XNDC1N: variants seen among roughly 807,000 people sequenced by gnomAD.
The protein encoded by XNDC1N is protein XNDC1N.
the XNDC1N span, among the ~76,000 whole-genome samples, chr11:71,871,119 G>T: frequency 9.9e-5 from 15 of 152,226 alleles, no homozygotes; most frequent in Admixed American, 6.5e-4. Context: ...TCAAGTTTTG[G>T]AATCAACCTA....
chr11:71,878,827 CA>C, the XNDC1N span, among the ~76,000 whole-genome samples: 10,843 of 120,000 alleles, frequency 0.09, 542 homozygotes, highest in African/African-American at 0.18. Flanking sequence ...CCCATCTCTA[CA>C]AAAAAAAAAA....
the XNDC1N span, among the ~76,000 whole-genome samples, chr11:71,919,932 T>C: frequency 0.012 from 664 of 56,038 alleles, 4 homozygotes; most frequent in East Asian, 0.053. Flanking sequence ...CAGGCCTCTT[T>C]TTTTTTTTTT....
At chr11:71,881,917 A>C in the XNDC1N span, among the ~76,000 whole-genome samples, 1 of 152,332 alleles carries the variant, frequency 6.6e-6, no homozygotes, top group East Asian at 1.9e-4. Context: ...AGGAGGAGAA[A>C]GAAAGGAACA....
the XNDC1N span, among the ~76,000 whole-genome samples, chr11:71,887,730 G>C: frequency 7.9e-4 from 121 of 152,246 alleles, 1 homozygote; most frequent in African/African-American, 2.9e-3. Context: ...CCCAAGTCAC[G>C]GACCAAGAAC....
the XNDC1N span, chr11:71,928,361 T>C: frequency 1.5e-6 from 1 of 656,336 alleles, no homozygotes; most frequent in African/African-American, 1.8e-5. Context: ...CCAACGCCCC[T>C]CACCCGGGAC....
the XNDC1N span, among the ~76,000 whole-genome samples, chr11:71,866,762 T>TA: frequency 5.7e-3 from 804 of 141,320 alleles, 3 homozygotes; most frequent in African/African-American, 0.017. Flanking sequence ...AGACTCCATC[T>TA]AAAAAAAAAA....
chr11:71,889,982 T>G, the XNDC1N span, among the ~76,000 whole-genome samples: 1 of 147,932 alleles, frequency 6.8e-6, no homozygotes, highest in African/African-American at 2.6e-5. Context: ...GCGTTTTTGG[T>G]TGCCTTGGTA....
the XNDC1N span, among the ~76,000 whole-genome samples, chr11:71,885,618 C>T: frequency 6.6e-6 from 1 of 152,220 alleles, no homozygotes. Context: ...CTCTCCCACC[C>T]TGGACATTAG....
At chr11:71,891,557 A>C in the XNDC1N span, among the ~76,000 whole-genome samples, 1 of 152,212 alleles carries the variant, frequency 6.6e-6, no homozygotes, top group South Asian at 2.1e-4. Context: ...CCCGACCTGG[A>C]TACAGAGAAA....
the XNDC1N span, among the ~76,000 whole-genome samples, chr11:71,924,111 T>C: frequency 6.6e-6 from 1 of 152,258 alleles, no homozygotes; most frequent in African/African-American, 2.4e-5. Context: ...AATGTTTGAC[T>C]AAATGTATGA....
At chr11:71,888,219 C>T in the XNDC1N span, among the ~76,000 whole-genome samples, 1 of 152,162 alleles carries the variant, frequency 6.6e-6, no homozygotes, top group Admixed American at 6.5e-5. Flanking sequence ...AGGTATGTTA[C>T]TTGGGATTGA....
the XNDC1N span, chr11:71,894,215 G>T: frequency 9.0e-6 from 6 of 666,822 alleles, no homozygotes; most frequent in South Asian, 9.7e-5. Context: ...GCAGTTGTTT[G>T]CTGATTTTAT....
chr11:71,900,817 G>A, the XNDC1N span, among the ~76,000 whole-genome samples: 2 of 152,174 alleles, frequency 1.3e-5, no homozygotes, highest in Non-Finnish European at 2.9e-5. Context: ...ATTTCAGGAT[G>A]ATTTTACAGA....
At chr11:71,910,093 T>G in the XNDC1N span, among the ~76,000 whole-genome samples, 20 of 152,190 alleles carry the variant, frequency 1.3e-4, no homozygotes, top group South Asian at 4.2e-3. Context: ...CTTCAAGGTA[T>G]CCAGGTCCGT....
the XNDC1N span, among the ~76,000 whole-genome samples, chr11:71,880,832 C>T: frequency 6.6e-6 from 1 of 152,116 alleles, no homozygotes; most frequent in African/African-American, 2.4e-5. Flanking sequence ...CAAAGTTCTT[C>T]CTAGTATTCA....
the XNDC1N span, among the ~76,000 whole-genome samples, chr11:71,904,983 T>A: frequency 6.6e-6 from 1 of 151,894 alleles, no homozygotes; most frequent in Non-Finnish European, 1.5e-5. Flanking sequence ...CCCCCAAGGA[T>A]ATAACGAATA....
the XNDC1N span, among the ~76,000 whole-genome samples, chr11:71,913,113 A>T: frequency 7.9e-5 from 12 of 152,022 alleles, no homozygotes; most frequent in Non-Finnish European, 1.5e-4. Context: ...ACCCTCTGCG[A>T]TATTGAGAGT....
chr11:71,889,488 G>T, the XNDC1N span, among the ~76,000 whole-genome samples: 1 of 152,206 alleles, frequency 6.6e-6, no homozygotes, highest in Non-Finnish European at 1.5e-5. Context: ...CTTTCTCCAG[G>T]TAGAGGGAAG....
the XNDC1N span, among the ~76,000 whole-genome samples, chr11:71,895,006 A>G: frequency 0.028 from 4,075 of 146,486 alleles, 57 homozygotes; most frequent in East Asian, 0.077. Context: ...CCATGTCGCC[A>G]TTCTTCAATC....
Sources: allele counts gnomAD v4.1 joint callset (sites outside exome capture counted in the v4.1 genomes callset), GRCh38; gene constraint gnomAD v4.1.1; transcripts MANE v1.5; gene names NCBI Gene and HGNC (gene_info 2026-07-23, HGNC 2026-07-21).